The following AKAP19 variants were observed in gnomAD, a reference collection of about 807,000 sequenced individuals.
The protein encoded by AKAP19 is small A-kinase anchoring protein.
the AKAP19 span, among the ~76,000 whole-genome samples, chr2:190,035,747 A>G: frequency 5.1e-4 from 78 of 152,326 alleles, no homozygotes; most frequent in African/African-American, 1.4e-3. Flanking sequence ...TGCATGTATC[A>G]GTAATTTATT....
chr2:190,092,934 C>T, the AKAP19 span, among the ~76,000 whole-genome samples: 1 of 152,074 alleles, frequency 6.6e-6, no homozygotes, highest in Non-Finnish European at 1.5e-5. Context: ...GAGTCGATTG[C>T]TAGAAGCAGA....
the AKAP19 span, chr2:190,202,094 T>G: frequency 6.0e-6 from 1 of 167,052 alleles, no homozygotes; most frequent in Non-Finnish European, 1.5e-5. Flanking sequence ...TATCTAAATA[T>G]TTTAATTTCA....
At chr2:189,922,089 G>A in the AKAP19 span, among the ~76,000 whole-genome samples, 1 of 152,302 alleles carries the variant, frequency 6.6e-6, no homozygotes, top group Admixed American at 6.5e-5. Flanking sequence ...GAGCTAGCCA[G>A]GTGAAGAGGG....
the AKAP19 span, among the ~76,000 whole-genome samples, chr2:189,903,237 TTA>T: frequency 1.3e-5 from 2 of 152,008 alleles, no homozygotes; most frequent in Admixed American, 1.3e-4. Context: ...TTAATTTTAA[TTA>T]TAGTAGCAAA....
At chr2:190,053,955 G>A in the AKAP19 span, among the ~76,000 whole-genome samples, 1 of 152,020 alleles carries the variant, frequency 6.6e-6, no homozygotes, top group Non-Finnish European at 1.5e-5. Context: ...GGAGAGGAGG[G>A]ATCACTTAAA....
chr2:190,179,648 A>T, the AKAP19 span, among the ~76,000 whole-genome samples: 1 of 152,130 alleles, frequency 6.6e-6, no homozygotes, highest in Non-Finnish European at 1.5e-5. The surrounding 1 kb of genome is among the most constrained non-coding windows in gnomAD (Gnocchi z 6.0). Context: ...GTGTAACTTA[A>T]ACTTCTCAAC....
chr2:189,949,247 GCTGA>G, the AKAP19 span, among the ~76,000 whole-genome samples: 1 of 152,122 alleles, frequency 6.6e-6, no homozygotes. Flanking sequence ...GATGTGGAGT[GCTGA>G]CTGTTTTTAT....
the AKAP19 span, among the ~76,000 whole-genome samples, chr2:189,886,516 A>G: frequency 6.6e-6 from 1 of 152,214 alleles, no homozygotes; most frequent in East Asian, 1.9e-4. Context: ...TTAAAACATA[A>G]TCTGTCCTCA....
At chr2:190,070,981 A>T in the AKAP19 span, among the ~76,000 whole-genome samples, 3 of 152,170 alleles carry the variant, frequency 2.0e-5, no homozygotes, top group African/African-American at 7.2e-5. Flanking sequence ...TCAGCAGACC[A>T]CATAGATGAG....
the AKAP19 span, among the ~76,000 whole-genome samples, chr2:189,939,544 C>A: frequency 6.6e-6 from 1 of 152,136 alleles, no homozygotes; most frequent in East Asian, 1.9e-4. Context: ...GAAGCAACAA[C>A]AGAGAACCTC....
At chr2:189,956,505 T>C in the AKAP19 span, among the ~76,000 whole-genome samples, 1 of 152,078 alleles carries the variant, frequency 6.6e-6, no homozygotes, top group Non-Finnish European at 1.5e-5. Context: ...GACTCCCAAA[T>C]CTTATATACA....
At chr2:190,111,540 C>A in the AKAP19 span, among the ~76,000 whole-genome samples, 1 of 152,106 alleles carries the variant, frequency 6.6e-6, no homozygotes, top group Admixed American at 6.6e-5. Flanking sequence ...TCTCTTTCAA[C>A]CTTAGATAAA....
chr2:190,201,294 A>ACATACACACACACCTTT, the AKAP19 span: 1 of 166,856 alleles, frequency 6.0e-6, no homozygotes, highest in Non-Finnish European at 1.5e-5. Flanking sequence ...GTTTTAAAGG[A>ACATACACACACACCTTT]TTAAGTACTG....
chr2:189,889,933 G>T, the AKAP19 span, among the ~76,000 whole-genome samples: 2 of 152,066 alleles, frequency 1.3e-5, no homozygotes, highest in South Asian at 4.1e-4. Flanking sequence ...CTTCAGTTCT[G>T]CTGTGATCTT....
chr2:189,900,435 C>T, the AKAP19 span, among the ~76,000 whole-genome samples: 1 of 152,138 alleles, frequency 6.6e-6, no homozygotes, highest in Middle Eastern at 3.4e-3. Flanking sequence ...TTTTCTTGCA[C>T]CTTTGCCAAC....
At chr2:189,941,761 G>C in the AKAP19 span, among the ~76,000 whole-genome samples, 1 of 152,106 alleles carries the variant, frequency 6.6e-6, no homozygotes, top group African/African-American at 2.4e-5. Context: ...AAAGAAGAGA[G>C]GAGTTACAAA....
At chr2:190,105,684 C>T in the AKAP19 span, among the ~76,000 whole-genome samples, 3 of 152,282 alleles carry the variant, frequency 2.0e-5, no homozygotes, top group East Asian at 5.8e-4. Flanking sequence ...CAGAGTGAGT[C>T]GATGTCACTA....
At chr2:190,125,837 G>A in the AKAP19 span, among the ~76,000 whole-genome samples, 1 of 151,994 alleles carries the variant, frequency 6.6e-6, no homozygotes, top group Non-Finnish European at 1.5e-5. Flanking sequence ...TAATAAAACA[G>A]CACGGCAATT....
chr2:190,087,782 A>G, the AKAP19 span, among the ~76,000 whole-genome samples: 66 of 152,318 alleles, frequency 4.3e-4, no homozygotes, highest in Non-Finnish European at 8.4e-4. Flanking sequence ...AGTGTTCCCA[A>G]TTGGTCATGA....
Sources: allele counts gnomAD v4.1 joint callset (sites outside exome capture counted in the v4.1 genomes callset), GRCh38; gene constraint gnomAD v4.1.1; non-coding constraint Gnocchi (gnomAD v3.1); transcripts MANE v1.5; gene names NCBI Gene and HGNC (gene_info 2026-07-23, HGNC 2026-07-21).